The following DCLRE1C variants were observed in gnomAD, a reference collection of about 807,000 sequenced individuals.
The protein encoded by DCLRE1C is protein artemis.
A neutral mutation model predicts 61.4 loss-of-function variants in DCLRE1C; 47 were observed. The ratio of observed to expected loss-of-function variants is 0.77; its 90% confidence interval spans 0.61 to 0.98. DCLRE1C has a LOEUF of 0.98. Ranked by LOEUF, DCLRE1C falls within the 50% of genes least tolerant of loss-of-function variation. The pLI is 0.00. For synonymous variants in DCLRE1C, 337 were observed against 287.6 expected, an observed-to-expected ratio of 1.17 and a Z score of -1.74; for missense variants, 858 against 816.0, an observed-to-expected ratio of 1.05 and a Z score of -0.63.
intron 3 of DCLRE1C, chr10:14,942,231 G>T (rs1840971781): frequency 6.6e-6 from 1 of 152,290 alleles, no homozygotes; most frequent in Admixed American, 6.5e-5. Context: ...GCCAAAGCGG[G>T]AGACCAGCAC....
chr10:14,946,101 C>T (rs1005561678), intron 2 of DCLRE1C, among the ~76,000 whole-genome samples: 1 of 151,602 alleles, frequency 6.6e-6, no homozygotes, highest in Non-Finnish European at 1.5e-5. Context: ...TTCCGCCTCC[C>T]GGGTTCAAGC....
At chr10:14,921,379 A>G (rs1252365928) in intron 12 of DCLRE1C, among the ~76,000 whole-genome samples, 2 of 152,156 alleles carry the variant, frequency 1.3e-5, no homozygotes, top group Non-Finnish European at 2.9e-5. Context: ...AAGTTTATGT[A>G]TATTCAAGTT....
chr10:14,904,433 AG>A (rs1834231641), downstream of DCLRE1C: 1 of 134,478 alleles, frequency 7.4e-6, no homozygotes, highest in Admixed American at 8.3e-5. Flanking sequence ...AAAAGGTTGT[AG>A]GTTTACAGGT....
intron 2 of DCLRE1C, chr10:14,945,544 G>T (rs764009591): frequency 1.8e-6 from 2 of 1,093,858 alleles, no homozygotes; most frequent in Admixed American, 4.9e-5. Context: ...GGAAATACGC[G>T]CTTGTATGTG....
intron 8 of DCLRE1C, among the ~76,000 whole-genome samples, chr10:14,933,508 A>G (rs995846284): frequency 7.2e-5 from 11 of 152,236 alleles, no homozygotes; most frequent in Non-Finnish European, 1.3e-4. Flanking sequence ...ATGGTGGCTC[A>G]GGCCTGTAAT....
At chr10:14,912,650 C>G (rs182349063) in intron 13 of DCLRE1C, among the ~76,000 whole-genome samples, 2 of 152,082 alleles carry the variant, frequency 1.3e-5, no homozygotes, top group East Asian at 3.9e-4. Context: ...AAAGATAATG[C>G]GAAATAAAAG....
Position 14,928,163 on chromosome 10 carries a change from TAAA to T in DCLRE1C, c.781-14_781-12del. The stretch of plus-strand genomic sequence containing the variant: ...AAAATATTCCTCTGCCTAAAAAAGA[TAAA>T]AAGCATAGAAAAACAGTTCTACATT... On this transcript the variant is annotated splice_polypyrimidine_tract_variant and intron_variant, in intron 9 of 13. Coordinates refer to ENST00000378278, the MANE Select transcript of DCLRE1C (RefSeq NM_001033855.3). 3 of 1,611,822 alleles carry T rather than the reference TAAA, an allele frequency of 1.9e-6. No individual in the cohort carries two copies. The highest frequency in any genetic ancestry group is 2.2e-5 in the South Asian group (2 of 90,978).
rs1436346240 is a variant in DCLRE1C at position 14,904,821 on chromosome 10, G to T, written c.*3587C>A. 6.6e-6 allele frequency among the ~76,000 whole-genome samples: 1 copy of T among 152,126 alleles called. No individual in the cohort carries two copies. Among genetic ancestry groups the T allele is most frequent in the Non-Finnish European group, 1.5e-5 (1 of 68,018 alleles). On this transcript the variant is annotated 3_prime_UTR_variant, in exon 14 of 14. Coordinates refer to ENST00000378278, the MANE Select transcript of DCLRE1C (RefSeq NM_001033855.3). Reference sequence around the variant, plus strand: ...AAGATGTCAGAATTTTTCAGTGTAAGACAAATATCAAAGGTAATAGATCCA... The same window carrying T: ...AAGATGTCAGAATTTTTCAGTGTAATACAAATATCAAAGGTAATAGATCCA...
At chr10:14,911,927 C>G (rs1044039299) in intron 13 of DCLRE1C, among the ~76,000 whole-genome samples, 3 of 152,152 alleles carry the variant, frequency 2.0e-5, no homozygotes, top group African/African-American at 7.2e-5. Context: ...CTAAAAAAGA[C>G]GGAAGTGTTG....
intron 13 of DCLRE1C, among the ~76,000 whole-genome samples, chr10:14,913,277 C>A (rs1021105201): frequency 1.3e-5 from 2 of 152,182 alleles, no homozygotes; most frequent in South Asian, 4.1e-4. Flanking sequence ...CATAAAGTTT[C>A]TTTTTTGGGT....
chr10:14,936,636 T>G, intron 4 of DCLRE1C, 43 bp from the exon 5 acceptor site: 1 of 1,409,254 alleles, frequency 7.1e-7, no homozygotes, highest in Non-Finnish European at 1.0e-6. Context: ...AAAGCAGTTA[T>G]CATTAGGACC....
At chr10:14,948,561 A>T (rs1206024151) in intron 2 of DCLRE1C, among the ~76,000 whole-genome samples, 1 of 152,168 alleles carries the variant, frequency 6.6e-6, no homozygotes, top group Non-Finnish European at 1.5e-5. Context: ...AAAGTTAAGT[A>T]AAGTAAAACA....
intron 2 of DCLRE1C, 132 bp downstream of exon 2, chr10:14,948,904 T>A (rs1842069199): frequency 2.8e-6 from 2 of 709,856 alleles, no homozygotes; most frequent in Non-Finnish European, 5.0e-6. Context: ...ATTGGTACTG[T>A]CCTATTTCTT....
intron 13 of DCLRE1C, among the ~76,000 whole-genome samples, chr10:14,910,000 G>A (rs1405135541): frequency 1.3e-5 from 2 of 152,188 alleles, no homozygotes; most frequent in African/African-American, 4.8e-5. Flanking sequence ...TTCCCATCTT[G>A]TAACAGTATC....
Position 14,906,453 on chromosome 10 carries a change from A to G in DCLRE1C, c.*1955T>C, listed in dbSNP as rs181919577. Among the ~76,000 whole-genome samples, 1 of 152,360 alleles carries G rather than the reference A, an allele frequency of 6.6e-6. No individual in the cohort carries two copies. The highest frequency in any genetic ancestry group is 2.4e-5 in the African/African-American group (1 of 41,582). On this transcript the variant is annotated 3_prime_UTR_variant, in exon 14 of 14. Transcript: ENST00000378278. ...GTATGTAATATTAATGTGATTATAA[A>G]ATAACAGGAATATATTCAGAGGAAT...
chr10:14,935,474 G>C lies in DCLRE1C; in HGVS notation c.453C>G (p.His151Gln), dbSNP rs777256319. The C allele has an allele frequency of 1.2e-6, 2 of 1,613,996 alleles. No individual in the cohort carries two copies. The highest frequency in any genetic ancestry group is 1.7e-6 in the Non-Finnish European group (2 of 1,179,952). ...QGEAARMELL[H>Q]SGGRVKDIQS... ...ACGAGGCCCAGTACCTGCCCCCGGA[G>C]TGCAGAAGCTCCATTCTAGCAGCTT... Residue 151 changes from histidine to glutamine, a missense_variant, in exon 6 of 14, where the codon CAC becomes CAG. Transcript: ENST00000378278.
Position 14,908,278 on chromosome 10 carries a change from AGT to A in DCLRE1C, c.*128_*129del. 1 of 754,512 alleles carries A rather than the reference AGT, an allele frequency of 1.3e-6. No individual in the cohort carries two copies. The highest frequency in any genetic ancestry group is 2.9e-5 in the East Asian group (1 of 34,968). The allele number at this position is 754,512 out of a possible 1,614,324, so 46.7% of individuals were successfully genotyped here. On this transcript the variant is annotated 3_prime_UTR_variant, in exon 14 of 14. Transcript: ENST00000378278. ...CCCACCTCAAAGTGCTGGGATTACA[AGT>A]GTGAGCCACCACACCCAACCAGGTT...
chr10:14,945,331 A>G, intron 2 of DCLRE1C, 142 bp from the exon 3 acceptor site: 1 of 1,411,552 alleles, frequency 7.1e-7, no homozygotes, highest in Non-Finnish European at 9.3e-7. Context: ...CCTAATAAAA[A>G]CACAAATACT....
chr10:14,900,399 A>G (rs980818420), downstream of DCLRE1C, among the ~76,000 whole-genome samples: 1 of 152,224 alleles, frequency 6.6e-6, no homozygotes, highest in African/African-American at 2.4e-5. Flanking sequence ...ATATAGCTGA[A>G]CATATAAAGG....
Sources: gnomAD v4.1 joint callset for allele counts (sites outside exome capture counted in the v4.1 genomes callset) on GRCh38, gnomAD v4.1.1 for gene constraint, MANE v1.5 for transcripts, NCBI Gene and HGNC (gene_info 2026-07-23, HGNC 2026-07-21) for gene names.